The following NAA35 variants were observed in gnomAD, a reference collection of about 807,000 sequenced individuals.
NAA35 encodes the protein MAK10 homolog, amino-acid N-acetyltransferase subunit.
Under a neutral mutation model 101.7 loss-of-function variants are expected in NAA35, and 18 were observed. The observed-to-expected ratio is 0.18, with a 90% CI of 0.12 to 0.26. NAA35 has a LOEUF of 0.26. Ranked by LOEUF, NAA35 falls within the 10% of genes least tolerant of loss-of-function variation. The pLI is 1.00. For synonymous variants in NAA35, 267 were observed against 273.1 expected, an observed-to-expected ratio of 0.98 and a Z score of 0.22; for missense variants, 601 against 886.8, an observed-to-expected ratio of 0.68 and a Z score of 4.09.
chr9:85,996,251 T>A lies in NAA35; in HGVS notation c.878-148T>A, dbSNP rs553927314. 10 of 539,278 alleles carry A rather than the reference T, an allele frequency of 1.9e-5. No individual in the cohort carries two copies. The Admixed American group carries it at 3.0e-4, about 16-fold the overall frequency. 33.4% of individuals were successfully genotyped at this position (539,278 alleles called of 1,614,324 possible). A position where few individuals can be genotyped will look rare whatever the true frequency, so the allele number is the denominator to read the frequency against. The stretch of plus-strand genomic sequence containing the variant: ...AAAAAATGTATATGTATAGATATAT[T>A]CTAAATTATAAAATCTATTTAGAGG... On this transcript the variant is annotated intron_variant, in intron 11 of 22. Coordinates refer to ENST00000361671, the MANE Select transcript of NAA35 (RefSeq NM_024635.4).
At chr9:85,997,549 C>T (rs1319586450) in intron 12 of NAA35, among the ~76,000 whole-genome samples, 1 of 152,026 alleles carries the variant, frequency 6.6e-6, no homozygotes, top group Admixed American at 6.6e-5. Context: ...CACCATTTTG[C>T]CCAGGCTGGT....
chr9:85,996,242 T>C lies in NAA35; in HGVS notation c.878-157T>C, dbSNP rs568267490. ...TTAGTTTTTAAAAAATGTATATGTA[T>C]AGATATATTCTAAATTATAAAATCT... is the stretch of plus-strand genomic sequence containing the variant. On this transcript the variant is annotated intron_variant, in intron 11 of 22. Coordinates refer to ENST00000361671, the MANE Select transcript of NAA35 (RefSeq NM_024635.4). Among the ~76,000 whole-genome samples, 5 of 152,304 alleles carry C rather than the reference T, an allele frequency of 3.3e-5. No individual in the cohort carries two copies. The East Asian group carries it at 7.7e-4, about 23-fold the overall frequency.
At chr9:85,954,277 C>G (rs1295905855) in intron 2 of NAA35, among the ~76,000 whole-genome samples, 1 of 152,136 alleles carries the variant, frequency 6.6e-6, no homozygotes, top group Non-Finnish European at 1.5e-5. Flanking sequence ...GATACAGGGT[C>G]TCACAGTGTT....
chr9:86,011,074 C>T (rs905823747), intron 15 of NAA35, among the ~76,000 whole-genome samples: 4 of 150,932 alleles, frequency 2.7e-5, no homozygotes, highest in Admixed American at 1.3e-4. Context: ...AAAACCCTGT[C>T]TCTACTGAAA....
intron 6 of NAA35, among the ~76,000 whole-genome samples, chr9:85,970,912 A>C (rs919540280): frequency 6.6e-6 from 1 of 152,174 alleles, no homozygotes; most frequent in Non-Finnish European, 1.5e-5. Context: ...TGAAGGTTTC[A>C]TTTTGTCATT....
chr9:85,960,185 G>A (rs1829455335), intron 5 of NAA35, among the ~76,000 whole-genome samples: 1 of 152,156 alleles, frequency 6.6e-6, no homozygotes, highest in Non-Finnish European at 1.5e-5. Context: ...AATAAGCATG[G>A]AATTGAAACA....
intron 19 of NAA35, 133 bp from the exon 20 acceptor site, chr9:86,018,122 T>C (rs1219487569): frequency 1.6e-5 from 12 of 744,832 alleles, no homozygotes; most frequent in Non-Finnish European, 2.1e-5. Context: ...ATGACAATTA[T>C]ATGTCCTCAT....
At chr9:85,942,783 T>C (rs1437739868) in intron 2 of NAA35, among the ~76,000 whole-genome samples, 2 of 152,212 alleles carry the variant, frequency 1.3e-5, no homozygotes, top group Admixed American at 6.5e-5. Flanking sequence ...ACAGGTCTTT[T>C]TTATCTCTTC....
Position 86,022,473 on chromosome 9 carries a change from T to G in NAA35, c.*513T>G, listed in dbSNP as rs1303208968. On this transcript the variant is annotated 3_prime_UTR_variant, in exon 23 of 23. Transcript: ENST00000361671. ...GTAAAATACATTTAGAAGGGATTTT[T>G]GGGAGGGCCTCTAAATTACATGAAA... Among the ~76,000 whole-genome samples, 1 of 151,888 alleles carries G rather than the reference T, an allele frequency of 6.6e-6. No individual in the cohort carries two copies. The highest frequency in any genetic ancestry group is 1.5e-5 in the Non-Finnish European group (1 of 68,018).
chr9:85,994,110 G>A (rs923610179), intron 11 of NAA35, among the ~76,000 whole-genome samples: 1 of 152,020 alleles, frequency 6.6e-6, no homozygotes, highest in African/African-American at 2.4e-5. Context: ...ATTTATTGAG[G>A]CCATGCCTTG....
At chr9:85,952,993 A>G (rs567330164) in intron 2 of NAA35, among the ~76,000 whole-genome samples, 2 of 152,278 alleles carry the variant, frequency 1.3e-5, no homozygotes, top group East Asian at 3.9e-4. Context: ...GCAGATCACT[A>G]GAGCCCAGAA....
chr9:85,977,969 G>A (rs1423370688), intron 10 of NAA35, among the ~76,000 whole-genome samples: 3 of 149,738 alleles, frequency 2.0e-5, no homozygotes, highest in African/African-American at 7.4e-5. Flanking sequence ...TGACATGGTA[G>A]AATTGTTGAA....
At chr9:86,002,669 A>G (rs928806613) in intron 12 of NAA35, among the ~76,000 whole-genome samples, 1 of 152,068 alleles carries the variant, frequency 6.6e-6, no homozygotes, top group Admixed American at 6.5e-5. Context: ...TTGTGATTGC[A>G]TAGTGAAATT....
chr9:86,005,558 A>G (rs1831596126), intron 13 of NAA35, among the ~76,000 whole-genome samples: 1 of 152,212 alleles, frequency 6.6e-6, no homozygotes, highest in Admixed American at 6.5e-5. Flanking sequence ...TAGAGATGAC[A>G]TCATTTTCCA....
At position 86,023,756 on chromosome 9, in the gene NAA35, A is replaced by G. The variant is rs533638872; in HGVS notation, c.*1796A>G. Among the ~76,000 whole-genome samples, 1 of 152,242 alleles carries G rather than the reference A, an allele frequency of 6.6e-6. No individual in the cohort carries two copies. Among genetic ancestry groups the G allele is most frequent in the African/African-American group, 2.4e-5 (1 of 41,478 alleles). The stretch of plus-strand genomic sequence containing the variant: ...TTCCTAAGTAAAAGTTTTCCTATTA[A>G]CCCATTATCAACTAAAAAAGATTGA... On this transcript the variant is annotated 3_prime_UTR_variant, in exon 23 of 23. Coordinates refer to ENST00000361671, the MANE Select transcript of NAA35 (RefSeq NM_024635.4).
In NAA35 at chr9:85,996,522, A is replaced by T; in HGVS notation, c.1001A>T (p.Asp334Val). 1.2e-6 allele frequency: 2 copies of T among 1,603,348 alleles called. No homozygotes were observed. ...GTGAACTATTTTGCAAGATTAATAG[A>T]TAGAATAAAAACTGTCTGTGAGGTT... is the stretch of plus-strand genomic sequence containing the variant. ...EMVNYFARLI[D>V]RIKTVCEVVN... Residue 334 changes from aspartate (D) to valine (V), a missense_variant, in exon 12 of 23, where the codon GAT (aspartate) becomes GTT (valine). Physicochemically the swap from Asp to Val is radical, Grantham distance 152 (BLOSUM62 -3). Coordinates refer to ENST00000361671, the MANE Select transcript of NAA35 (RefSeq NM_024635.4).
In NAA35 at chr9:85,941,289, G is replaced by C. The variant is rs1828500158; in HGVS notation, c.-6+16G>C. 2.0e-6 allele frequency: 2 copies of C among 985,610 alleles called. No individual in the cohort carries two copies. Among genetic ancestry groups the C allele is most frequent in the South Asian group, 9.4e-5 (2 of 21,304 alleles). The allele number at this position is 985,610 out of a possible 1,614,324, so 61.1% of individuals were successfully genotyped here. On this transcript the variant is annotated intron_variant, in intron 1 of 22. Coordinates refer to ENST00000361671, the MANE Select transcript of NAA35 (RefSeq NM_024635.4). ...GGAGAAGTAGGTAGGGACCGCCCCT[G>C]CGTAGCCATTGAAACCCTCTCGCTC... is the stretch of plus-strand genomic sequence containing the variant.
chr9:85,961,797 A>G (rs1216275350), intron 5 of NAA35, among the ~76,000 whole-genome samples: 1 of 152,128 alleles, frequency 6.6e-6, no homozygotes, highest in Non-Finnish European at 1.5e-5. Context: ...ATTAATCTCT[A>G]ATATGTTGCA....
At position 85,972,593 on chromosome 9, in the gene NAA35, T is replaced by C. The variant is rs896744671; in HGVS notation, c.517-2374T>C. 2.0e-5 allele frequency among the ~76,000 whole-genome samples: 3 copies of C among 151,356 alleles called. No homozygotes were observed. The South Asian group carries it at 6.2e-4, about 32-fold the overall frequency. On this transcript the variant is annotated intron_variant, in intron 6 of 22. Coordinates refer to ENST00000361671, the MANE Select transcript of NAA35 (RefSeq NM_024635.4). ...AAACCTAAATTTTTTTCTGAAAAAT[T>C]AGGAGACCTGACCACACTGGCCCTG...
Sources: gnomAD v4.1 joint callset for allele counts (sites outside exome capture counted in the v4.1 genomes callset) on GRCh38, gnomAD v4.1.1 for gene constraint, MANE v1.5 for transcripts, NCBI Gene and HGNC (gene_info 2026-07-23, HGNC 2026-07-21) for gene names.